Variants in DNAJC1 observed in about 807,000 individuals in gnomAD.
The protein encoded by DNAJC1 is DnaJ heat shock protein family (Hsp40) member C1, also known as dnaJ homolog subfamily C member 1.
A neutral mutation model predicts 76.6 loss-of-function variants in DNAJC1; 58 were observed. The observed-to-expected ratio is 0.76, with a 90% confidence interval of 0.61 to 0.94. The LOEUF (loss-of-function observed/expected upper bound fraction) is 0.94. DNAJC1 is among the 40% of genes least tolerant of loss of function. DNAJC1 has a pLI of 0.00. For missense variants in DNAJC1, 689 were observed against 677.3 expected, an observed-to-expected ratio of 1.02 and a Z score of -0.19; for synonymous variants, 258 against 267.9, an observed-to-expected ratio of 0.96 and a Z score of 0.36.
At chr10:21,773,803 ATTTT>A (rs201344852) in intron 9 of DNAJC1, among the ~76,000 whole-genome samples, 1 of 140,080 alleles carries the variant, frequency 7.1e-6, no homozygotes, top group African/African-American at 2.6e-5. Context: ...CTCTTTATTA[ATTTT>A]TTTTTTTTTT....
chr10:21,769,764 A>G (rs972097185), intron 9 of DNAJC1, among the ~76,000 whole-genome samples: 2 of 151,942 alleles, frequency 1.3e-5, no homozygotes, highest in African/African-American at 2.4e-5. Context: ...CCAGCTCACT[A>G]CAACCTCTGC....
At chr10:21,960,035 A>AT (rs1837761445) in intron 1 of DNAJC1, among the ~76,000 whole-genome samples, 1 of 152,180 alleles carries the variant, frequency 6.6e-6, no homozygotes, top group Admixed American at 6.5e-5. Context: ...AGCCACTATG[A>AT]TTTTTTGCCT....
chr10:21,770,102 C>T (rs533767282), intron 9 of DNAJC1, among the ~76,000 whole-genome samples: 2 of 151,154 alleles, frequency 1.3e-5, no homozygotes, highest in Admixed American at 6.6e-5. Flanking sequence ...TGGATTTTTT[C>T]TCTCCTTCCC....
intron 6 of DNAJC1, among the ~76,000 whole-genome samples, chr10:21,906,205 A>G (rs1015987985): frequency 2.0e-5 from 3 of 152,080 alleles, no homozygotes; most frequent in Non-Finnish European, 4.4e-5. Flanking sequence ...TTCTATGAGG[A>G]TTCACACAAG....
intron 1 of DNAJC1, among the ~76,000 whole-genome samples, chr10:21,981,421 G>T (rs1019272554): frequency 6.6e-6 from 1 of 152,166 alleles, no homozygotes; most frequent in Non-Finnish European, 1.5e-5. Context: ...GATTGGAAGA[G>T]CAAGCAATGG....
At chr10:21,798,480 A>G (rs978942103) in intron 9 of DNAJC1, among the ~76,000 whole-genome samples, 6 of 152,240 alleles carry the variant, frequency 3.9e-5, no homozygotes, top group African/African-American at 1.4e-4. Flanking sequence ...CTCATGCCTT[A>G]GCCATATGGA....
At chr10:21,783,255 T>C (rs908889625) in intron 9 of DNAJC1, among the ~76,000 whole-genome samples, 31 of 152,238 alleles carry the variant, frequency 2.0e-4, no homozygotes, top group Admixed American at 9.8e-4. Context: ...TATACACCAA[T>C]AACAGACAAA....
chr10:21,766,584 C>T (rs998530098), intron 9 of DNAJC1, among the ~76,000 whole-genome samples: 8 of 152,090 alleles, frequency 5.3e-5, no homozygotes, highest in African/African-American at 1.7e-4. Context: ...ATGACAGTTC[C>T]GTTATACGAG....
intron 10 of DNAJC1, among the ~76,000 whole-genome samples, chr10:21,764,394 G>T (rs1248152945): frequency 1.3e-5 from 2 of 152,158 alleles, no homozygotes; most frequent in Admixed American, 6.5e-5. Context: ...TTGTTTATCT[G>T]TATTTTTTTG....
intron 8 of DNAJC1, among the ~76,000 whole-genome samples, chr10:21,810,232 G>T (rs1375762762): frequency 6.6e-6 from 1 of 152,124 alleles, no homozygotes. Flanking sequence ...AAAATTCACT[G>T]AATTTATACA....
At chr10:21,766,980 A>G (rs1727804419) in intron 9 of DNAJC1, among the ~76,000 whole-genome samples, 1 of 152,024 alleles carries the variant, frequency 6.6e-6, no homozygotes, top group Admixed American at 6.6e-5. Flanking sequence ...AAAAAAAAAA[A>G]AAAAAAAAAA....
intron 1 of DNAJC1, among the ~76,000 whole-genome samples, chr10:21,956,994 T>C (rs2998361): frequency 0.78 from 116,982 of 150,600 alleles, 46,248 homozygotes; most frequent in East Asian, 0.99. Context: ...CGGGTTCAAG[T>C]GATTCTCCTG....
intron 9 of DNAJC1, among the ~76,000 whole-genome samples, chr10:21,786,457 TATATATAGAGAGAGAGAG>T (rs1199856644): frequency 2.2e-5 from 1 of 44,448 alleles, no homozygotes; most frequent in African/African-American, 7.8e-5. Flanking sequence ...TATATATATA[TATATATAGAGAGAGAGAG>T]AGAGAGAGAG....
chr10:21,882,172 G>C, intron 8 of DNAJC1, 110 bp downstream of exon 8: 5 of 1,035,932 alleles, frequency 4.8e-6, no homozygotes, highest in Non-Finnish European at 5.4e-6. Flanking sequence ...CAAAACAATA[G>C]TATTTGTGAA....
At chr10:21,972,461 A>T (rs1412701803) in intron 1 of DNAJC1, among the ~76,000 whole-genome samples, 1 of 152,072 alleles carries the variant, frequency 6.6e-6, no homozygotes, top group Non-Finnish European at 1.5e-5. Context: ...GCAACAATAT[A>T]ACTTTCTTCT....
At chr10:21,939,080 G>A (rs1485442610) in intron 1 of DNAJC1, among the ~76,000 whole-genome samples, 1 of 152,036 alleles carries the variant, frequency 6.6e-6, no homozygotes, top group Non-Finnish European at 1.5e-5. Context: ...TAGTAGAGAC[G>A]GGGTTTCACC....
chr10:21,983,647 G>A (rs1228895362), intron 1 of DNAJC1, among the ~76,000 whole-genome samples: 1 of 151,908 alleles, frequency 6.6e-6, no homozygotes, highest in African/African-American at 2.4e-5. Flanking sequence ...CTTGAACCTG[G>A]GAGGCAGAGG....
rs552909587 is a variant in DNAJC1, at chr10:21,781,247, A to C, written c.1099-14938T>G. Among the ~76,000 whole-genome samples the C allele has an allele frequency of 5.9e-5, 9 of 152,300 alleles. No individual in the cohort carries two copies. The East Asian group carries it at 1.2e-3, about 20-fold the overall frequency. On this transcript the variant is annotated intron_variant, in intron 9 of 11. Transcript: ENST00000376980. ...ACTCAGCTTTGCACCAAGCGGACCTAATAGACATCAACAGAACTCTCCACC... is the reference window on the plus strand; with the variant it reads ...ACTCAGCTTTGCACCAAGCGGACCTCATAGACATCAACAGAACTCTCCACC...
chr10:21,864,111 G>A (rs951308236), intron 8 of DNAJC1, among the ~76,000 whole-genome samples: 5 of 152,112 alleles, frequency 3.3e-5, no homozygotes, highest in Admixed American at 6.5e-5. Context: ...AGAGGCTCAG[G>A]TGGGAGGCTT....
Sources: gnomAD v4.1 joint callset for allele counts (sites outside exome capture counted in the v4.1 genomes callset) on GRCh38, gnomAD v4.1.1 for gene constraint, MANE v1.5 for transcripts, NCBI Gene and HGNC (gene_info 2026-07-23, HGNC 2026-07-21) for gene names.